Variants in PRKCA observed in about 807,000 individuals in gnomAD.
PRKCA encodes the protein protein kinase C alpha type.
Under a neutral mutation model 87.0 loss-of-function variants are expected in PRKCA, and 27 were observed. The observed-to-expected ratio is 0.31, with a 90% CI of 0.23 to 0.43. The LOEUF is 0.43. Among genes scored for constraint, PRKCA ranks in the 20% least tolerant of loss-of-function variants. The probability of loss-of-function intolerance (pLI) is 1.00; values close to 1 mark genes in which losing one functional copy is unlikely to be tolerated. For missense variants in PRKCA, 518 were observed against 852.3 expected, an observed-to-expected ratio of 0.61 and a Z score of 4.88; for synonymous variants, 329 against 311.1, an observed-to-expected ratio of 1.06 and a Z score of -0.61.
chr17:66,641,516 T>C (rs1971296923), intron 4 of PRKCA, 50 bp downstream of exon 4: 2 of 1,411,474 alleles, frequency 1.4e-6, no homozygotes, highest in African/African-American at 2.8e-5. Context: ...TAGCTCATGC[T>C]CAGGGTTTGC....
At chr17:66,566,557 A>T (rs1335724935) in intron 3 of PRKCA, among the ~76,000 whole-genome samples, 1 of 111,740 alleles carries the variant, frequency 8.9e-6, no homozygotes, top group Admixed American at 1.2e-4. Context: ...TGAATGTTGT[A>T]TTTGATGGGA....
intron 1 of PRKCA, 22 bp downstream of exon 1, chr17:66,303,046 C>G: frequency 6.3e-7 from 1 of 1,590,300 alleles, no homozygotes; most frequent in Non-Finnish European, 8.6e-7. Context: ...GCCGGGCACT[C>G]CTGCCCCGCT....
intron 2 of PRKCA, among the ~76,000 whole-genome samples, chr17:66,333,622 A>C (rs546247445): frequency 6.6e-6 from 1 of 152,238 alleles, no homozygotes; most frequent in African/African-American, 2.4e-5. Flanking sequence ...GTGCTTGTGA[A>C]GGGGTCTGGG....
intron 2 of PRKCA, among the ~76,000 whole-genome samples, chr17:66,450,741 G>A (rs577209890): frequency 6.6e-6 from 1 of 152,206 alleles, no homozygotes; most frequent in Non-Finnish European, 1.5e-5. Context: ...CGCAAAAGCT[G>A]GTACCAGCTC....
intron 2 of PRKCA, among the ~76,000 whole-genome samples, chr17:66,477,675 G>A (rs1250172009): frequency 6.6e-6 from 1 of 152,190 alleles, no homozygotes; most frequent in African/African-American, 2.4e-5. Flanking sequence ...ACTCCAGCCT[G>A]GGCAACAGAG....
chr17:66,602,983 C>T (rs1314954955), intron 3 of PRKCA, among the ~76,000 whole-genome samples: 9 of 152,330 alleles, frequency 5.9e-5, no homozygotes, highest in Middle Eastern at 3.4e-3. Flanking sequence ...TCCCTTCTTT[C>T]TTCTTCACCC....
intron 2 of PRKCA, among the ~76,000 whole-genome samples, chr17:66,382,233 C>T (rs1013450012): frequency 6.6e-6 from 1 of 152,040 alleles, no homozygotes; most frequent in African/African-American, 2.4e-5. Flanking sequence ...GATCTCTACT[C>T]GGGGGCAATG....
At chr17:66,311,458 A>G (rs1905082314) in intron 2 of PRKCA, among the ~76,000 whole-genome samples, 1 of 152,140 alleles carries the variant, frequency 6.6e-6, no homozygotes. Context: ...GCTACAAAAA[A>G]TAGAAAAAGT....
chr17:66,605,823 C>T (rs570895244), intron 3 of PRKCA, among the ~76,000 whole-genome samples: 8 of 152,254 alleles, frequency 5.3e-5, no homozygotes, highest in Admixed American at 1.3e-4. Context: ...AGAAGCCAGA[C>T]GCAGAAAGTC....
intron 5 of PRKCA, among the ~76,000 whole-genome samples, chr17:66,662,139 G>A (rs1050836511): frequency 2.0e-5 from 3 of 152,124 alleles, no homozygotes; most frequent in Non-Finnish European, 4.4e-5. Flanking sequence ...CTGAATCATC[G>A]CCACAAGGCC....
chr17:66,421,949 T>C (rs1322735416), intron 2 of PRKCA, among the ~76,000 whole-genome samples: 1 of 152,152 alleles, frequency 6.6e-6, no homozygotes, highest in Non-Finnish European at 1.5e-5. Context: ...CAGAAGTTTA[T>C]TTTTTCACAA....
intron 3 of PRKCA, among the ~76,000 whole-genome samples, chr17:66,536,505 C>T (rs886610827): frequency 6.6e-6 from 1 of 152,232 alleles, no homozygotes; most frequent in Non-Finnish European, 1.5e-5. Context: ...ATTAGAATAG[C>T]ATAAATGTAG....
chr17:66,745,796 T>C (rs1299613333), intron 13 of PRKCA, among the ~76,000 whole-genome samples: 1 of 152,234 alleles, frequency 6.6e-6, no homozygotes, highest in Non-Finnish European at 1.5e-5. Context: ...AGGTGGTTAG[T>C]AACGTGTCTA....
chr17:66,604,841 C>T lies in PRKCA; in HGVS notation c.289-36514C>T, dbSNP rs775881492. On this transcript the variant is annotated intron_variant, in intron 3 of 16. Transcript: ENST00000413366. ...GATTGCACTTCTAGGATTTAGTAAA[C>T]CTTTAACCACCAAGAGACTGGACTT... 7.2e-5 allele frequency among the ~76,000 whole-genome samples: 11 copies of T among 151,976 alleles called. 1 individual carries two copies. The highest frequency in any genetic ancestry group is 1.3e-4 in the Non-Finnish European group (9 of 67,978).
At chr17:66,686,037 T>C (rs1285349722) in intron 5 of PRKCA, among the ~76,000 whole-genome samples, 1 of 152,168 alleles carries the variant, frequency 6.6e-6, no homozygotes, top group Non-Finnish European at 1.5e-5. Context: ...TGATGGTGTC[T>C]GACCAGTTGG....
chr17:66,386,200 G>A (rs1910053886), intron 2 of PRKCA, among the ~76,000 whole-genome samples: 1 of 152,216 alleles, frequency 6.6e-6, no homozygotes, highest in Admixed American at 6.5e-5. Flanking sequence ...ACAGTTCTGA[G>A]ACTTGCTTTT....
At chr17:66,373,960 A>G (rs1159852166) in intron 2 of PRKCA, among the ~76,000 whole-genome samples, 1 of 152,122 alleles carries the variant, frequency 6.6e-6, no homozygotes, top group Non-Finnish European at 1.5e-5. Flanking sequence ...CTTTATTTCC[A>G]GAAGTGGGAT....
intron 8 of PRKCA, among the ~76,000 whole-genome samples, chr17:66,726,278 G>A (rs530980321): frequency 2.1e-4 from 32 of 152,140 alleles, no homozygotes; most frequent in Non-Finnish European, 4.1e-4. Flanking sequence ...TCAGGTGTTC[G>A]CAGGTGTGCA....
intron 3 of PRKCA, among the ~76,000 whole-genome samples, chr17:66,612,800 A>G (rs1970406196): frequency 1.3e-5 from 2 of 151,758 alleles, no homozygotes; most frequent in African/African-American, 2.4e-5. Context: ...TGGTATTGTG[A>G]ATTTTTCCAG....
Sources: gnomAD v4.1 joint callset for allele counts (sites outside exome capture counted in the v4.1 genomes callset) on GRCh38, gnomAD v4.1.1 for gene constraint, MANE v1.5 for transcripts, NCBI Gene and HGNC (gene_info 2026-07-23, HGNC 2026-07-21) for gene names.